SHISA9: variants seen among roughly 807,000 people sequenced by gnomAD.
The protein encoded by SHISA9 is protein shisa-9.
Under a neutral mutation model 38.0 loss-of-function variants are expected in SHISA9, and 13 were observed. That is an observed-to-expected ratio of 0.34 (90% CI 0.22 to 0.54). The LOEUF is 0.54. Ranked by LOEUF, SHISA9 falls within the 20% of genes least tolerant of loss-of-function variation. SHISA9 has a pLI of 0.91. For synonymous variants in SHISA9, 275 were observed against 242.0 expected, an observed-to-expected ratio of 1.14 and a Z score of -1.27; for missense variants, 538 against 575.8, an observed-to-expected ratio of 0.93 and a Z score of 0.67.
intron 2 of SHISA9, among the ~76,000 whole-genome samples, chr16:13,131,300 C>T (rs563484219): frequency 5.9e-5 from 9 of 152,256 alleles, no homozygotes; most frequent in African/African-American, 1.7e-4. Context: ...GGAACGAGAT[C>T]GTGTCCTTTA....
chr16:13,343,215 G>A, the SHISA9 span, among the ~76,000 whole-genome samples: 2 of 152,158 alleles, frequency 1.3e-5, no homozygotes, highest in African/African-American at 4.8e-5. Context: ...TAATGTTGCT[G>A]AAATCTTTGC....
chr16:13,312,065 G>A, the SHISA9 span, among the ~76,000 whole-genome samples: 1 of 152,310 alleles, frequency 6.6e-6, no homozygotes, highest in South Asian at 2.1e-4. Flanking sequence ...TAAAACCAGT[G>A]TATACCAACT....
chr16:13,531,684 G>T, the SHISA9 span, among the ~76,000 whole-genome samples: 7 of 152,220 alleles, frequency 4.6e-5, no homozygotes, highest in African/African-American at 1.7e-4. Flanking sequence ...AGAGGGGACT[G>T]ATTTTGAAGT....
At chr16:13,071,141 A>C (rs914212239) in intron 2 of SHISA9, among the ~76,000 whole-genome samples, 2 of 150,964 alleles carry the variant, frequency 1.3e-5, no homozygotes, top group Non-Finnish European at 2.9e-5. Context: ...ATTTAATGAC[A>C]GAGAACCGTG....
At chr16:13,384,283 C>T in the SHISA9 span, among the ~76,000 whole-genome samples, 1 of 152,182 alleles carries the variant, frequency 6.6e-6, no homozygotes, top group Non-Finnish European at 1.5e-5. Flanking sequence ...TTCTCCACTC[C>T]ATTCCCCATG....
the SHISA9 span, among the ~76,000 whole-genome samples, chr16:13,367,122 C>G: frequency 6.6e-6 from 1 of 151,560 alleles, no homozygotes; most frequent in African/African-American, 2.4e-5. Context: ...TTTCAATTAG[C>G]AAAACTTAAA....
intron 2 of SHISA9, among the ~76,000 whole-genome samples, chr16:12,970,366 T>C (rs865855940): frequency 2.1e-5 from 2 of 96,108 alleles, no homozygotes; most frequent in East Asian, 2.4e-4. Context: ...TATATATATA[T>C]ATACATATAT....
At chr16:13,048,018 G>C (rs8054104) in intron 2 of SHISA9, among the ~76,000 whole-genome samples, 118,544 of 152,132 alleles carry the variant, frequency 0.78, 46,654 homozygotes, top group African/African-American at 0.89. Flanking sequence ...CAGCATCCAG[G>C]ATTCCTGCTT....
At chr16:12,967,668 T>TAA (rs578126631) in intron 2 of SHISA9, among the ~76,000 whole-genome samples, 2,068 of 142,704 alleles carry the variant, frequency 0.014, 13 homozygotes, top group Middle Eastern at 0.021. Context: ...GTGCATCAAA[T>TAA]AAAAAAAAAA....
At chr16:13,054,696 T>C (rs959662637) in intron 2 of SHISA9, among the ~76,000 whole-genome samples, 1 of 152,216 alleles carries the variant, frequency 6.6e-6, no homozygotes, top group African/African-American at 2.4e-5. Flanking sequence ...GGTTTAGACT[T>C]GCCTAGAGGC....
chr16:13,469,584 G>A, the SHISA9 span, among the ~76,000 whole-genome samples: 10 of 152,076 alleles, frequency 6.6e-5, no homozygotes, highest in Non-Finnish European at 1.3e-4. Context: ...TCATCCAAAT[G>A]ACTCTGGCTC....
intron 2 of SHISA9, among the ~76,000 whole-genome samples, chr16:13,134,603 G>A (rs2050332486): frequency 6.6e-6 from 1 of 152,154 alleles, no homozygotes; most frequent in African/African-American, 2.4e-5. Flanking sequence ...AAGGTGAGGT[G>A]GAGGTGAGTA....
intron 2 of SHISA9, among the ~76,000 whole-genome samples, chr16:12,991,085 CTTG>C (rs2072379578): frequency 6.6e-6 from 1 of 152,138 alleles, no homozygotes; most frequent in African/African-American, 2.4e-5. Context: ...CCTCTGCTCT[CTTG>C]TTGTTTTAAT....
the SHISA9 span, among the ~76,000 whole-genome samples, chr16:13,248,297 C>T: frequency 2.0e-5 from 3 of 152,274 alleles, no homozygotes; most frequent in Admixed American, 1.3e-4. Context: ...AGAGCATCTA[C>T]GATGTGCCAG....
chr16:13,080,079 C>T (rs2073629988), intron 2 of SHISA9, among the ~76,000 whole-genome samples: 1 of 152,062 alleles, frequency 6.6e-6, no homozygotes, highest in Admixed American at 6.6e-5. Flanking sequence ...ATCTTGTAAA[C>T]ACACCACCAC....
chr16:13,295,525 G>A, the SHISA9 span, among the ~76,000 whole-genome samples: 24 of 152,260 alleles, frequency 1.6e-4, no homozygotes, highest in African/African-American at 4.8e-4. Context: ...ACATTGGCCC[G>A]TCCTTCAGAG....
chr16:13,018,776 G>T (rs1355514388), intron 2 of SHISA9, among the ~76,000 whole-genome samples: 1 of 152,198 alleles, frequency 6.6e-6, no homozygotes, highest in African/African-American at 2.4e-5. Context: ...GTGTGAAAAT[G>T]CTGATTCCTA....
intron 2 of SHISA9, among the ~76,000 whole-genome samples, chr16:13,092,745 G>C (rs946880323): frequency 2.6e-5 from 4 of 152,202 alleles, no homozygotes; most frequent in Admixed American, 2.0e-4. Context: ...CCTTGGCTAG[G>C]AGAGGGAAAT....
chr16:12,971,384 C>A (rs1320089520), intron 2 of SHISA9, among the ~76,000 whole-genome samples: 1 of 152,164 alleles, frequency 6.6e-6, no homozygotes, highest in Non-Finnish European at 1.5e-5. Context: ...AGAGACTGTG[C>A]CCAGCTGGGT....
Sources: allele counts gnomAD v4.1 joint callset (sites outside exome capture counted in the v4.1 genomes callset), GRCh38; gene constraint gnomAD v4.1.1; transcripts MANE v1.5; gene names NCBI Gene and HGNC (gene_info 2026-07-23, HGNC 2026-07-21).